Variants in MYL4 observed in about 807,000 individuals in gnomAD.
MYL4 encodes the protein atrial myosin light chain 1.
MYL4 carries 16 observed loss-of-function variants against 21.6 expected under a neutral mutation model. The observed-to-expected ratio is 0.74, with a 90% CI of 0.50 to 1.12. The LOEUF is 1.12. Ranked by LOEUF, MYL4 falls within the 50% of genes most tolerant of loss-of-function variation. MYL4 has a pLI of 0.00. For synonymous variants in MYL4, 82 were observed against 95.7 expected, an observed-to-expected ratio of 0.86 and a Z score of 0.83; for missense variants, 249 against 252.9, an observed-to-expected ratio of 0.98 and a Z score of 0.11.
At chr17:47,217,957 G>A (rs1261099544) in intron 2 of MYL4, among the ~76,000 whole-genome samples, 1 of 151,262 alleles carries the variant, frequency 6.6e-6, no homozygotes, top group Non-Finnish European at 1.5e-5. Context: ...CAGGAGAATC[G>A]CTTGAACCGG....
chr17:47,216,769 A>G (rs1598656716), intron 2 of MYL4, among the ~76,000 whole-genome samples: 1 of 148,356 alleles, frequency 6.7e-6, no homozygotes, highest in African/African-American at 2.5e-5. Context: ...ATCTCTGCTC[A>G]CCGCAACCTC....
intron 1 of MYL4, among the ~76,000 whole-genome samples, chr17:47,202,940 A>AATTT (rs141096915): frequency 7.1e-4 from 108 of 151,966 alleles, no homozygotes; most frequent in East Asian, 1.5e-3. Context: ...TTGAAGCTTA[A>AATTT]ATTTATTTAT....
rs138017390 is a variant in MYL4 at position 47,213,871 on chromosome 17, T to TGGAGGA, written c.163+61_163+66dup. The TGGAGGA allele has an allele frequency of 3.6e-4, 569 of 1,597,348 alleles. 1 individual carries two copies. In the African/African-American group the frequency reaches 6.5e-3, roughly 18 times the overall value. Reference sequence around the variant, plus strand: ...CCTCTCCGTCTCTATTGCACTTTCCTGGAGGAGGAGGAGGAGGAGGAAGAA... The same window carrying TGGAGGA: ...CCTCTCCGTCTCTATTGCACTTTCCTGGAGGAGGAGGAGGAGGAGGAGGAGGAAGAA... On this transcript the variant is annotated intron_variant, in intron 2 of 6. Coordinates refer to ENST00000393450, the MANE Select transcript of MYL4 (RefSeq NM_002476.2).
intron 2 of MYL4, among the ~76,000 whole-genome samples, chr17:47,218,055 A>C (rs937364022): frequency 4.6e-5 from 7 of 151,974 alleles, no homozygotes; most frequent in Non-Finnish European, 8.8e-5. Context: ...AAAAAAAAAA[A>C]AACAAAAAAC....
intron 1 of MYL4, 70 bp downstream of exon 1, chr17:47,209,627 CG>C: frequency 6.2e-7 from 1 of 1,611,192 alleles, no homozygotes. Flanking sequence ...TGGAGCTTAG[CG>C]ATCTACTTTA....
intron 4 of MYL4, 58 bp from the exon 5 acceptor site, chr17:47,222,322 C>A: frequency 6.5e-7 from 1 of 1,532,534 alleles, no homozygotes; most frequent in Non-Finnish European, 9.0e-7. Context: ...TTGGGTATTG[C>A]CAGTTCCTCC....
upstream of MYL4, among the ~76,000 whole-genome samples, chr17:47,197,587 G>C (rs2064694175): frequency 6.6e-6 from 1 of 152,142 alleles, no homozygotes; most frequent in Non-Finnish European, 1.5e-5. Flanking sequence ...CTTTATGATG[G>C]TGTAGAAGCA....
intron 2 of MYL4, among the ~76,000 whole-genome samples, chr17:47,217,803 G>C (rs540533535): frequency 6.6e-6 from 1 of 152,050 alleles, no homozygotes; most frequent in Non-Finnish European, 1.5e-5. Context: ...GGAGGCCGAC[G>C]TGGGCTGATC....
chr17:47,193,063 A>G, the MYL4 span, among the ~76,000 whole-genome samples: 5 of 152,164 alleles, frequency 3.3e-5, no homozygotes, highest in Non-Finnish European at 5.9e-5. Flanking sequence ...GCCCAGAGTA[A>G]GTGTACTCTC....
chr17:47,200,469 C>G (rs1052359003), exon 1 of MYL4: 9 of 152,160 alleles, frequency 5.9e-5, no homozygotes, highest in African/African-American at 1.7e-4. Flanking sequence ...ATCCTGCATT[C>G]TAGTCTCAGG....
chr17:47,210,792 C>G (rs1375558431), intron 1 of MYL4, among the ~76,000 whole-genome samples: 1 of 152,106 alleles, frequency 6.6e-6, no homozygotes, highest in Admixed American at 6.6e-5. Context: ...TTATGGCTCA[C>G]TCTGGGGAAA....
At chr17:47,193,221 G>A in the MYL4 span, among the ~76,000 whole-genome samples, 1 of 116,558 alleles carries the variant, frequency 8.6e-6, no homozygotes, top group East Asian at 3.0e-4. Flanking sequence ...CTCTTCTTTT[G>A]GCTTCTCTAA....
chr17:47,215,092 A>G (rs1428562196), intron 2 of MYL4, among the ~76,000 whole-genome samples: 1 of 152,224 alleles, frequency 6.6e-6, no homozygotes, highest in African/African-American at 2.4e-5. Flanking sequence ...CAAAAAAGTG[A>G]CACCAGTTTA....
At chr17:47,212,216 C>G (rs1227314464) in intron 1 of MYL4, among the ~76,000 whole-genome samples, 7 of 152,032 alleles carry the variant, frequency 4.6e-5, no homozygotes, top group Non-Finnish European at 8.8e-5. Context: ...AACTCCATCT[C>G]AAAAAATAAG....
At chr17:47,210,798 G>A (rs2064768546) in intron 1 of MYL4, among the ~76,000 whole-genome samples, 1 of 152,086 alleles carries the variant, frequency 6.6e-6, no homozygotes, top group African/African-American at 2.4e-5. Context: ...CTCACTCTGG[G>A]GAAACTGAGG....
chr17:47,209,254 T>C (rs1453591351), upstream of MYL4: 4 of 853,638 alleles, frequency 4.7e-6, no homozygotes, highest in Non-Finnish European at 7.4e-6. Flanking sequence ...GTTTCTTCCT[T>C]TTATAGTCAG....
At chr17:47,211,083 G>A (rs979242230) in intron 1 of MYL4, among the ~76,000 whole-genome samples, 5 of 151,944 alleles carry the variant, frequency 3.3e-5, no homozygotes, top group Middle Eastern at 3.4e-3. Context: ...TTTCTCACCC[G>A]TGAGAAATTG....
the MYL4 span, among the ~76,000 whole-genome samples, chr17:47,191,632 G>A: frequency 3.2e-4 from 49 of 152,128 alleles, no homozygotes; most frequent in South Asian, 9.5e-3. Context: ...CACCACGCCC[G>A]GTTAATTTTT....
chr17:47,223,088 C>T, intron 6 of MYL4, 31 bp downstream of exon 6: 1 of 1,611,866 alleles, frequency 6.2e-7, no homozygotes, highest in Non-Finnish European at 8.5e-7. Context: ...CTGGTCCCTT[C>T]CGGGGTCACA....
Sources: gnomAD v4.1 joint callset for allele counts (sites outside exome capture counted in the v4.1 genomes callset) on GRCh38, gnomAD v4.1.1 for gene constraint, MANE v1.5 for transcripts, NCBI Gene and HGNC (gene_info 2026-07-23, HGNC 2026-07-21) for gene names.